PRKN: variants seen among roughly 807,000 people sequenced by gnomAD.
PRKN encodes parkin RBR E3 ubiquitin protein ligase.
Under a neutral mutation model 59.5 loss-of-function variants are expected in PRKN, and 56 were observed. The observed-to-expected ratio is 0.94, with a 90% CI of 0.76 to 1.18. PRKN has a LOEUF of 1.18. Among genes scored for constraint, PRKN ranks in the 50% most tolerant of loss-of-function variants. PRKN has a pLI of 0.00. For missense variants in PRKN, 657 were observed against 596.4 expected (o/e 1.10, Z -1.06); for synonymous variants, 250 against 222.1 (o/e 1.13, Z -1.12).
At position 161,454,225 on chromosome 6, in the gene PRKN, G is replaced by C. The variant is rs921820820; in HGVS notation, c.1084-67348C>G. On this transcript the variant is annotated intron_variant, in intron 9 of 11. Coordinates refer to ENST00000366898, the MANE Select transcript of PRKN (RefSeq NM_004562.3). This position sits in a 1 kb window ranked among gnomAD's most constrained non-coding sequence, Gnocchi z 4.6. Reference sequence around the variant, plus strand: ...ACGGCAGCATGGGTTCTATAGGTCGGGGTGGCATTAGCACTGACGGCACAT... The same window carrying C: ...ACGGCAGCATGGGTTCTATAGGTCGCGGTGGCATTAGCACTGACGGCACAT... 5.3e-5 allele frequency among the ~76,000 whole-genome samples: 8 copies of C among 152,136 alleles called. No individual in the cohort carries two copies. Among genetic ancestry groups the C allele is most frequent in the South Asian group, 2.1e-4 (1 of 4,814 alleles).
intron 6 of PRKN, among the ~76,000 whole-genome samples, chr6:161,815,060 C>A (rs778579821): frequency 5.9e-5 from 9 of 152,202 alleles, no homozygotes; most frequent in Admixed American, 3.9e-4. Flanking sequence ...TGTGCAACCA[C>A]ATACCAGGGA....
intron 2 of PRKN, among the ~76,000 whole-genome samples, chr6:162,319,432 C>T (rs1298568294): frequency 6.6e-6 from 1 of 151,934 alleles, no homozygotes; most frequent in African/African-American, 2.4e-5. Context: ...ACCACTCAAC[C>T]AGCCTAAATT....
chr6:162,205,022 C>T (rs903440006), intron 3 of PRKN, among the ~76,000 whole-genome samples: 3 of 151,934 alleles, frequency 2.0e-5, no homozygotes, highest in African/African-American at 7.3e-5. Context: ...ACCACCACAC[C>T]CAGCTAATTT....
intron 6 of PRKN, among the ~76,000 whole-genome samples, chr6:161,935,898 T>C (rs1779339735): frequency 6.6e-6 from 1 of 152,158 alleles, no homozygotes; most frequent in Admixed American, 6.5e-5. Flanking sequence ...CAATAGCCAA[T>C]GCCATAGACT....
intron 6 of PRKN, among the ~76,000 whole-genome samples, chr6:161,960,856 G>A (rs981954906): frequency 6.6e-6 from 1 of 152,152 alleles, no homozygotes; most frequent in Non-Finnish European, 1.5e-5. Flanking sequence ...ACAAAGGGAA[G>A]GAGAATTCAC....
rs747064211 is a variant in PRKN at position 161,350,178 on chromosome 6, T to C, written c.1319A>G (p.Gln440Arg). Residue 440 changes from glutamine to arginine, a missense_variant, in exon 12 of 12, where the codon CAG becomes CGG. Transcript: ENST00000366898. Reference sequence around the variant, plus strand: ...GTTCCAGCACCACTCGAGCCTGCACTGGGGCTGCGGACACTTCATGTGCAT... The same window carrying C: ...GTTCCAGCACCACTCGAGCCTGCACCGGGGCTGCGGACACTTCATGTGCAT... ...GCMHMKCPQPQCRLEWCWNCG... is the reference protein window; with the variant it reads ...GCMHMKCPQPRCRLEWCWNCG... The C allele has an allele frequency of 1.4e-5, 23 of 1,613,614 alleles. No homozygotes were observed. Among genetic ancestry groups the C allele is most frequent in the Non-Finnish European group, 1.7e-5 (20 of 1,179,904 alleles).
chr6:162,182,191 C>T (rs757378022), intron 4 of PRKN, among the ~76,000 whole-genome samples: 3 of 152,134 alleles, frequency 2.0e-5, no homozygotes, highest in Non-Finnish European at 2.9e-5. Context: ...GTACTAGTCC[C>T]TTCTTGATGG....
intron 4 of PRKN, among the ~76,000 whole-genome samples, chr6:162,156,321 C>T (rs2849608): frequency 0.97 from 146,976 of 152,212 alleles, 71,103 homozygotes; most frequent in Non-Finnish European, 1. Flanking sequence ...GGGAGCTTAT[C>T]AGGAGAACTG....
chr6:161,435,457 G>A (rs1000246355), intron 9 of PRKN, among the ~76,000 whole-genome samples: 17 of 152,082 alleles, frequency 1.1e-4, no homozygotes, highest in African/African-American at 3.9e-4. Flanking sequence ...ACTTTGTGCA[G>A]AGAGCTTTAC....
intron 6 of PRKN, among the ~76,000 whole-genome samples, chr6:161,795,206 A>G (rs189867458): frequency 1.1e-4 from 16 of 140,010 alleles, no homozygotes; most frequent in Admixed American, 1.5e-4. Context: ...ATTACATGTT[A>G]TTTGTATTAC....
chr6:162,411,526 A>C (rs1167594708), intron 2 of PRKN, among the ~76,000 whole-genome samples: 1 of 152,252 alleles, frequency 6.6e-6, no homozygotes, highest in Non-Finnish European at 1.5e-5. Flanking sequence ...TGTGTGTGAT[A>C]AATTACAGAA....
rs1781784858 is a variant in PRKN at position 161,593,139 on chromosome 6, T to C, written c.872-23723A>G. ...AATCCTCTATATTTAAAAGGTGATC[T>C]GTCCCCTTACTGTATAGAAAATAAT... On this transcript the variant is annotated intron_variant, in intron 7 of 11. Coordinates refer to ENST00000366898, the MANE Select transcript of PRKN (RefSeq NM_004562.3). This position sits in a 1 kb window ranked among gnomAD's most constrained non-coding sequence, Gnocchi z 4.8. 6.6e-6 allele frequency among the ~76,000 whole-genome samples: 1 copy of C among 152,202 alleles called. No homozygotes were observed. Among genetic ancestry groups the C allele is most frequent in the African/African-American group, 2.4e-5 (1 of 41,462 alleles).
In PRKN at chr6:161,355,449, C is replaced by T. The variant is rs1351996202; in HGVS notation, c.1285+4639G>A. Among the ~76,000 whole-genome samples, 4 of 152,170 alleles carry T rather than the reference C, an allele frequency of 2.6e-5. No individual in the cohort carries two copies. Among genetic ancestry groups the T allele is most frequent in the South Asian group, 2.1e-4 (1 of 4,826 alleles). ...CGGAGTCTCACTGTGTCACCCAGGC[C>T]GAAGTGCAATGGTGCAATCTTGGCT... On this transcript the variant is annotated intron_variant, in intron 11 of 11. Coordinates refer to ENST00000366898, the MANE Select transcript of PRKN (RefSeq NM_004562.3). This position sits in a 1 kb window ranked among gnomAD's most constrained non-coding sequence, Gnocchi z 6.8.
At position 162,349,359 on chromosome 6, in the gene PRKN, G is replaced by C. The variant is rs998823292; in HGVS notation, c.172-86594C>G. Among the ~76,000 whole-genome samples the C allele has an allele frequency of 3.3e-5, 5 of 152,082 alleles. No homozygotes were observed. The South Asian group carries it at 1.0e-3, about 31-fold the overall frequency. ...CATGCGCCTGAAATCCCAGCTACATGAGGGGGCAGAGGCAGGAGAATCGCT... is the reference window on the plus strand; with the variant it reads ...CATGCGCCTGAAATCCCAGCTACATCAGGGGGCAGAGGCAGGAGAATCGCT... On this transcript the variant is annotated intron_variant, in intron 2 of 11. Transcript: ENST00000366898.
At position 161,484,214 on chromosome 6, in the gene PRKN, G is replaced by T. The variant is rs2115251230; in HGVS notation, c.1083+64640C>A. Among the ~76,000 whole-genome samples the T allele has an allele frequency of 6.6e-6, 1 of 152,140 alleles. No homozygotes were observed. On this transcript the variant is annotated intron_variant, in intron 9 of 11. Transcript: ENST00000366898. The surrounding 1 kb of genome is among the most constrained non-coding windows in gnomAD (Gnocchi z 4.9). ...GAAGAAAATTTTAAAAAAAGACCCT[G>T]CCTGGCAGGGTTTCAGCTTAAAGAA...
chr6:162,303,311 C>G (rs1039346286), intron 2 of PRKN, among the ~76,000 whole-genome samples: 1 of 152,114 alleles, frequency 6.6e-6, no homozygotes, highest in East Asian at 1.9e-4. Context: ...TTTTGCCTCA[C>G]CTAAGACAGC....
intron 5 of PRKN, among the ~76,000 whole-genome samples, chr6:161,998,733 G>A (rs1214070331): frequency 6.6e-6 from 1 of 152,166 alleles, no homozygotes; most frequent in Non-Finnish European, 1.5e-5. Flanking sequence ...GAGAATAAAA[G>A]ATAGTGTAAG....
rs11272825 is a variant in PRKN, at chr6:161,445,795, T to TTTCCCTTCCCTTCCCTTCCC, written c.1084-58938_1084-58919dup. Among the ~76,000 whole-genome samples the TTTCCCTTCCCTTCCCTTCCC allele has an allele frequency of 2.5e-3, 380 of 149,376 alleles. No homozygotes were observed. Among genetic ancestry groups the TTTCCCTTCCCTTCCCTTCCC allele is most frequent in the African/African-American group, 7.1e-3 (287 of 40,654 alleles). ...GGCCGCCAGCAAAGAATACAAGGGG[T>TTTCCCTTCCCTTCCCTTCCC]TTCCCTTCCCTTCCCTTCCCTTCCC... On this transcript the variant is annotated intron_variant, in intron 9 of 11. Transcript: ENST00000366898. This position sits in a 1 kb window ranked among gnomAD's most constrained non-coding sequence, Gnocchi z 7.7.
intron 1 of PRKN, among the ~76,000 whole-genome samples, chr6:162,448,848 C>T (rs1790448092): frequency 6.7e-6 from 1 of 149,816 alleles, no homozygotes; most frequent in Non-Finnish European, 1.5e-5. Flanking sequence ...TTCCCTTCCT[C>T]CCTCCCTCCT....
Sources: gnomAD v4.1 joint callset for allele counts (sites outside exome capture counted in the v4.1 genomes callset) on GRCh38, gnomAD v4.1.1 for gene constraint, Gnocchi (gnomAD v3.1) non-coding constraint, MANE v1.5 for transcripts, NCBI Gene and HGNC (gene_info 2026-07-23, HGNC 2026-07-21) for gene names.